The following RHPN2 variants were observed in gnomAD, a reference collection of about 807,000 sequenced individuals.
RHPN2 encodes rhophilin-2.
RHPN2 carries 40 observed loss-of-function variants against 79.0 expected under a neutral mutation model. That is an observed-to-expected ratio of 0.51 (90% CI 0.39 to 0.66). The LOEUF is 0.66. RHPN2 is among the 30% of genes least tolerant of loss of function. The pLI, the probability that RHPN2 is intolerant of heterozygous loss-of-function variation, is 0.00. For missense variants in RHPN2, 686 were observed against 883.5 expected, an observed-to-expected ratio of 0.78 and a Z score of 2.83; for synonymous variants, 285 against 363.5, an observed-to-expected ratio of 0.78 and a Z score of 2.46.
intron 6 of RHPN2, 41 bp downstream of exon 6, chr19:33,011,638 C>A (rs745488598): frequency 6.2e-7 from 1 of 1,612,250 alleles, no homozygotes; most frequent in Non-Finnish European, 8.5e-7. Flanking sequence ...ATTGTGGCTG[C>A]CATAACACGT....
At position 33,024,906 on chromosome 19, in the gene RHPN2, C is replaced by T. The variant is rs141983793; in HGVS notation, c.314+1598G>A. ...AGCTGAGACTACAGGTGTGCACCAC[C>T]ATGCCCGGCTAATTTTCCTATTTTT... On this transcript the variant is annotated intron_variant, in intron 3 of 14. Coordinates refer to ENST00000254260, the MANE Select transcript of RHPN2 (RefSeq NM_033103.5). Among the ~76,000 whole-genome samples, 1,144 of 152,164 alleles carry T rather than the reference C, an allele frequency of 7.5e-3. 13 individuals carry two copies. The highest frequency in any genetic ancestry group is 0.026 in the African/African-American group (1,066 of 41,518).
At chr19:33,014,895 A>C (rs1369546104) in intron 4 of RHPN2, among the ~76,000 whole-genome samples, 3 of 152,144 alleles carry the variant, frequency 2.0e-5, no homozygotes, top group Admixed American at 2.0e-4. Flanking sequence ...GTTTGAGACC[A>C]GCATGGACAA....
At chr19:32,989,814 T>TA (rs1480026089) in intron 14 of RHPN2, among the ~76,000 whole-genome samples, 3 of 151,058 alleles carry the variant, frequency 2.0e-5, no homozygotes, top group African/African-American at 7.3e-5. Flanking sequence ...TACAAAAAAA[T>TA]AAAGAATAGG....
rs761734827 is a variant in RHPN2, at chr19:33,011,774, G to A, written c.498C>T (p.Ala166=). Residue 166 remains alanine (A), a synonymous_variant, in exon 6 of 15, where the codon GCC becomes GCT. Coordinates refer to ENST00000254260, the MANE Select transcript of RHPN2 (RefSeq NM_033103.5). ...QACRTPSRDE[A]GVELLMTYFI... ...AGTATGTCATCAGCAGTTCCACCCC[G>A]GCCTCATCCCGGCTAGGCGTCCGAC... The A allele has an allele frequency of 8.1e-5, 130 of 1,613,842 alleles. No individual in the cohort carries two copies. The highest frequency in any genetic ancestry group is 2.5e-4 in the South Asian group (23 of 91,086).
At position 33,008,317 on chromosome 19, in the gene RHPN2, T is replaced by C. The variant is rs1300167611; in HGVS notation, c.594-137A>G. ...CCCAGGCTGGAGTGCAGTGGTGTGA[T>C]CATAGCTTACTGCAGCCTTCAACTT... On this transcript the variant is annotated intron_variant, in intron 6 of 14. Coordinates refer to ENST00000254260, the MANE Select transcript of RHPN2 (RefSeq NM_033103.5). 4 of 841,472 alleles carry C rather than the reference T, an allele frequency of 4.8e-6. No homozygotes were observed. In the East Asian group the frequency reaches 1.1e-4, roughly 23 times the overall value. 52.1% of individuals were successfully genotyped at this position (841,472 alleles called of 1,614,324 possible).
intron 1 of RHPN2, among the ~76,000 whole-genome samples, chr19:33,061,010 A>C (rs1247486526): frequency 6.6e-6 from 1 of 152,078 alleles, no homozygotes; most frequent in South Asian, 2.1e-4. Context: ...TTTCTTACAC[A>C]AATCTCACAG....
intron 14 of RHPN2, among the ~76,000 whole-genome samples, chr19:32,988,787 C>T (rs1281555368): frequency 6.6e-6 from 1 of 152,180 alleles, no homozygotes; most frequent in East Asian, 1.9e-4. Flanking sequence ...TCCATCCCTG[C>T]CTAGATAGAG....
At chr19:32,980,351 T>A in intron 14 of RHPN2, 95 bp from the exon 15 acceptor site, 1 of 1,424,714 alleles carries the variant, frequency 7.0e-7, no homozygotes, top group Non-Finnish European at 9.9e-7. Context: ...CTCACACCTG[T>A]AATCCCAACA....
intron 1 of RHPN2, among the ~76,000 whole-genome samples, chr19:33,056,439 A>G (rs1176452774): frequency 2.6e-5 from 4 of 152,010 alleles, no homozygotes; most frequent in African/African-American, 4.8e-5. Flanking sequence ...CATGGCCACA[A>G]CAGATTTTCC....
At chr19:33,047,741 C>T (rs960638735) in intron 1 of RHPN2, among the ~76,000 whole-genome samples, 2 of 152,092 alleles carry the variant, frequency 1.3e-5, no homozygotes, top group African/African-American at 4.8e-5. Context: ...TCTCCTTCCA[C>T]AGAGATTTCT....
At chr19:33,003,072 TAGG>T (rs779301136) in intron 7 of RHPN2, 72 bp from the exon 8 acceptor site, 1 of 1,429,260 alleles carries the variant, frequency 7.0e-7, no homozygotes, top group Non-Finnish European at 9.7e-7. Context: ...TAGAGAAAGA[TAGG>T]AGGCCGAGTG....
intron 14 of RHPN2, among the ~76,000 whole-genome samples, chr19:32,981,409 A>T (rs867410341): frequency 1.6e-3 from 69 of 44,096 alleles, no homozygotes; most frequent in African/African-American, 8.6e-3. Context: ...GTCTCAAAAT[A>T]AAAAAAAAGG....
intron 14 of RHPN2, among the ~76,000 whole-genome samples, chr19:32,980,574 C>T (rs1433943258): frequency 1.3e-5 from 2 of 152,138 alleles, no homozygotes; most frequent in Admixed American, 1.3e-4. Context: ...CACTGCACTC[C>T]AACCTGGGTG....
chr19:32,994,887 G>A (rs1425178130), intron 11 of RHPN2, among the ~76,000 whole-genome samples: 1 of 151,996 alleles, frequency 6.6e-6, no homozygotes, highest in African/African-American at 2.4e-5. Flanking sequence ...GGGAGGCAGA[G>A]GTTGCAGTGA....
intron 9 of RHPN2, among the ~76,000 whole-genome samples, chr19:33,001,156 GA>G (rs1189699325): frequency 6.6e-6 from 1 of 152,178 alleles, no homozygotes; most frequent in Admixed American, 6.6e-5. Flanking sequence ...ATTCATGGAA[GA>G]GCTGAGATAT....
chr19:33,063,121 C>G (rs945655746), intron 1 of RHPN2, among the ~76,000 whole-genome samples: 2 of 152,038 alleles, frequency 1.3e-5, no homozygotes, highest in African/African-American at 4.8e-5. Flanking sequence ...CCCCGGGGCC[C>G]GAGGACAGAC....
In RHPN2 at chr19:33,003,002, TAAAAGTGGAA is replaced by T; in HGVS notation, c.761-12_761-3del. On this transcript the variant is annotated splice_region_variant and splice_polypyrimidine_tract_variant and intron_variant, in intron 7 of 14. Coordinates refer to ENST00000254260, the MANE Select transcript of RHPN2 (RefSeq NM_033103.5). ...TGTCTTTCAGGTAATTTAAAACCCC[TAAAAGTGGAA>T]AATGTTTTGCCCATTAGTTCGGGTT... is the stretch of plus-strand genomic sequence containing the variant. 3.1e-6 allele frequency: 5 copies of T among 1,613,580 alleles called. No homozygotes were observed. Among genetic ancestry groups the T allele is most frequent in the Non-Finnish European group, 4.2e-6 (5 of 1,179,606 alleles).
At chr19:33,020,973 G>A (rs1971919612) in intron 4 of RHPN2, among the ~76,000 whole-genome samples, 1 of 152,032 alleles carries the variant, frequency 6.6e-6, no homozygotes, top group Non-Finnish European at 1.5e-5. Context: ...GAAAAGTTTG[G>A]AAATTTTCAT....
chr19:33,012,334 G>A (rs1360140273), intron 5 of RHPN2, among the ~76,000 whole-genome samples: 2 of 151,890 alleles, frequency 1.3e-5, no homozygotes, highest in African/African-American at 4.8e-5. Context: ...GCACCACCAC[G>A]CCCAGCTAAT....
Sources: gnomAD v4.1 joint callset for allele counts (sites outside exome capture counted in the v4.1 genomes callset) on GRCh38, gnomAD v4.1.1 for gene constraint, MANE v1.5 for transcripts, NCBI Gene and HGNC (gene_info 2026-07-23, HGNC 2026-07-21) for gene names.